KIT: variants seen among roughly 807,000 people sequenced by gnomAD.
KIT encodes the protein KIT proto-oncogene, receptor tyrosine kinase, also known as mast/stem cell growth factor receptor Kit.
In KIT, 16 loss-of-function variants were observed where a neutral mutation model predicts 105.7. That is an observed-to-expected ratio of 0.15 (90% CI 0.10 to 0.23). The LOEUF (loss-of-function observed/expected upper bound fraction) is 0.23, where lower values mean the gene tolerates loss of function less well. Ranked by LOEUF, KIT falls within the 10% of genes least tolerant of loss-of-function variation. The probability of loss-of-function intolerance (pLI) is 1.00; values close to 1 mark genes in which losing one functional copy is unlikely to be tolerated. For missense variants in KIT, 858 were observed against 1,213.8 expected, an observed-to-expected ratio of 0.71 and a Z score of 4.36; for synonymous variants, 438 against 441.1, an observed-to-expected ratio of 0.99 and a Z score of 0.09.
chr4:54,682,375 A>G (rs1336867643), intron 1 of KIT, among the ~76,000 whole-genome samples: 1 of 151,988 alleles, frequency 6.6e-6, no homozygotes, highest in Non-Finnish European at 1.5e-5. Context: ...GGCATGGGCC[A>G]CCGTGCCTGG....
intron 6 of KIT, among the ~76,000 whole-genome samples, chr4:54,708,387 G>A (rs1320010936): frequency 6.6e-6 from 1 of 152,068 alleles, no homozygotes; most frequent in Non-Finnish European, 1.5e-5. Context: ...AAGAGGCATG[G>A]GAGGGAAAGG....
At chr4:54,688,224 T>TG (rs1719455625) in intron 1 of KIT, among the ~76,000 whole-genome samples, 2 of 152,232 alleles carry the variant, frequency 1.3e-5, no homozygotes, top group Admixed American at 1.3e-4. Context: ...GGGCGATTAC[T>TG]GGGATCCTTC....
At chr4:54,695,406 A>G (rs1464400498) in intron 1 of KIT, 106 bp from the exon 2 acceptor site, 8 of 1,200,760 alleles carry the variant, frequency 6.7e-6, no homozygotes, top group African/African-American at 1.5e-5. Flanking sequence ...GCTTTGTCCT[A>G]TTTTTATTGT....
chr4:54,704,985 T>C (rs1577964631), intron 5 of KIT, among the ~76,000 whole-genome samples: 2 of 152,248 alleles, frequency 1.3e-5, no homozygotes, highest in East Asian at 1.9e-4. Flanking sequence ...GAAAAGATAC[T>C]TTACTTGCAA....
chr4:54,698,749 A>G (rs1020159295), intron 3 of KIT, among the ~76,000 whole-genome samples, 184 bp downstream of exon 3: 11 of 152,230 alleles, frequency 7.2e-5, no homozygotes, highest in Non-Finnish European at 2.9e-5. Context: ...CCCGTGTGGC[A>G]GTTCCATGAC....
chr4:54,664,808 G>A (rs910241409), intron 1 of KIT, among the ~76,000 whole-genome samples: 3 of 149,370 alleles, frequency 2.0e-5, no homozygotes, highest in Non-Finnish European at 4.4e-5. Flanking sequence ...GAATAGTCTC[G>A]AACTTATGAG....
At chr4:54,711,418 C>T (rs2109721775) in intron 7 of KIT, among the ~76,000 whole-genome samples, 1 of 152,162 alleles carries the variant, frequency 6.6e-6, no homozygotes, top group East Asian at 1.9e-4. Context: ...ACTGGCCTTC[C>T]CAGAATCCTA....
Position 54,706,845 on chromosome 4 carries a change from TGATA to T in KIT, c.926-249_926-246del, listed in dbSNP as rs543559873. ...TAGATTTAGAAGACTTTTAAGATGG[TGATA>T]GATCTTTAAGAGAATTGCTTAAGAG... On this transcript the variant is annotated intron_variant, in intron 5 of 20. Coordinates refer to ENST00000288135, the MANE Select transcript of KIT (RefSeq NM_000222.3). 7.5e-3 allele frequency among the ~76,000 whole-genome samples: 1,139 copies of T among 152,310 alleles called. 3 individuals carry two copies. Among genetic ancestry groups the T allele is most frequent in the Middle Eastern group, 0.034 (10 of 294 alleles).
chr4:54,669,438 G>A (rs1012876897), intron 1 of KIT, among the ~76,000 whole-genome samples: 4 of 152,362 alleles, frequency 2.6e-5, no homozygotes, highest in South Asian at 4.1e-4. Context: ...GTGGCTTTGC[G>A]CCATACTGGC....
At chr4:54,708,820 C>A (rs1342783766) in intron 6 of KIT, among the ~76,000 whole-genome samples, 1 of 152,116 alleles carries the variant, frequency 6.6e-6, no homozygotes, top group African/African-American at 2.4e-5. Flanking sequence ...CTGCCAGTAA[C>A]CCCGACAGGG....
intron 7 of KIT, among the ~76,000 whole-genome samples, chr4:54,718,435 A>AT (rs1721641156): frequency 6.6e-6 from 1 of 152,308 alleles, no homozygotes; most frequent in South Asian, 2.1e-4. Context: ...TTTATTTCTG[A>AT]TTAGTTTTAA....
In KIT at chr4:54,707,173, T is replaced by G; in HGVS notation, c.1001T>G (p.Ile334Ser). 6.3e-7 allele frequency: 1 copy of G among 1,593,990 alleles called. No individual in the cohort carries two copies. The highest frequency in any genetic ancestry group is 8.6e-7 in the Non-Finnish European group (1 of 1,161,732). Residue 334 changes from isoleucine (I) to serine (S), a missense_variant, in exon 6 of 21, where the codon ATT (isoleucine) becomes AGT (serine). Physicochemically the swap from Ile to Ser is moderately radical, Grantham distance 142 (BLOSUM62 -2). This residue lies in a region of KIT where 401 missense variants were observed against 601.0 expected (regional missense o/e 0.67). Transcript: ENST00000288135. ...FVNDGENVDL[I>S]VEYEAFPKPE... The stretch of plus-strand genomic sequence containing the variant: ...AACGATGGAGAAAATGTAGATTTGA[T>G]TGTTGAATATGAAGCATTCCCCAAA...
chr4:54,678,359 TCCC>T lies in KIT; in HGVS notation c.68-17152_68-17150del, dbSNP rs1718661587. ...TTCCTTCCTTCCTTCCTTCCCTCCCTCCCTCCCTCCCTCCCTCCCCCAATCCCT... is the reference window on the plus strand; with the variant it reads ...TTCCTTCCTTCCTTCCTTCCCTCCCTTCCCTCCCTCCCTCCCCCAATCCCT... On this transcript the variant is annotated intron_variant, in intron 1 of 20. Coordinates refer to ENST00000288135, the MANE Select transcript of KIT (RefSeq NM_000222.3). Among the ~76,000 whole-genome samples the T allele has an allele frequency of 2.2e-5, 2 of 92,500 alleles. 1 individual carries two copies. Among genetic ancestry groups the T allele is most frequent in the Non-Finnish European group, 4.0e-5 (2 of 50,046 alleles). 60.7% of individuals were successfully genotyped at this position (92,500 alleles called of 152,430 possible).
intron 6 of KIT, among the ~76,000 whole-genome samples, chr4:54,707,566 A>G (rs1345960753): frequency 6.6e-6 from 1 of 152,230 alleles, no homozygotes; most frequent in African/African-American, 2.4e-5. Context: ...AGCTCAAAGC[A>G]GTAACTTTCA....
chr4:54,659,915 C>T (rs1717121685), intron 1 of KIT, among the ~76,000 whole-genome samples: 1 of 152,130 alleles, frequency 6.6e-6, no homozygotes, highest in African/African-American at 2.4e-5. Flanking sequence ...CAAAGCCTTG[C>T]TCTGTCCCCT....
At chr4:54,703,979 G>A in intron 5 of KIT, 87 bp downstream of exon 5, 1 of 1,058,426 alleles carries the variant, frequency 9.4e-7, no homozygotes, top group Non-Finnish European at 1.5e-6. Flanking sequence ...TAAATGGAAT[G>A]TTGAACAGAT....
At chr4:54,690,183 G>A (rs1024544963) in intron 1 of KIT, among the ~76,000 whole-genome samples, 2 of 152,064 alleles carry the variant, frequency 1.3e-5, no homozygotes, top group African/African-American at 4.8e-5. Flanking sequence ...TTTGGCTATG[G>A]TGAATAATAC....
At chr4:54,669,743 A>T (rs967463135) in intron 1 of KIT, among the ~76,000 whole-genome samples, 1 of 151,912 alleles carries the variant, frequency 6.6e-6, no homozygotes, top group Non-Finnish European at 1.5e-5. Context: ...TTGAGGGGCT[A>T]TCATAGAAAG....
At chr4:54,668,537 C>T (rs957816385) in intron 1 of KIT, among the ~76,000 whole-genome samples, 6 of 152,100 alleles carry the variant, frequency 3.9e-5, no homozygotes, top group Admixed American at 1.3e-4. Context: ...ATGGCCTATG[C>T]GGGTTCTTAA....
Sources: gnomAD v4.1 joint callset for allele counts (sites outside exome capture counted in the v4.1 genomes callset) on GRCh38, gnomAD v4.1.1 for gene constraint, gnomAD v4.1.1 regional missense constraint, MANE v1.5 for transcripts, NCBI Gene and HGNC (gene_info 2026-07-23, HGNC 2026-07-21) for gene names.